The following EEPD1 variants were observed in gnomAD, a reference collection of about 807,000 sequenced individuals.
EEPD1 encodes the protein endonuclease/exonuclease/phosphatase family domain containing 1.
In EEPD1, 17 loss-of-function variants were observed where a neutral mutation model predicts 46.3. That is an observed-to-expected ratio of 0.37 (90% CI 0.25 to 0.55). EEPD1 has a LOEUF of 0.55. EEPD1 is among the 20% of genes least tolerant of loss of function. The pLI is 0.83. For synonymous variants in EEPD1, 313 were observed against 315.6 expected (o/e 0.99, Z 0.09); for missense variants, 673 against 745.6 (o/e 0.90, Z 1.13).
At chr7:36,252,116 A>G (rs1786747465) in intron 3 of EEPD1, among the ~76,000 whole-genome samples, 1 of 152,162 alleles carries the variant, frequency 6.6e-6, no homozygotes, top group South Asian at 2.1e-4. Flanking sequence ...GTTACTTCTT[A>G]GTCTTCTTAT....
chr7:36,216,411 A>G (rs1786030828), intron 2 of EEPD1, among the ~76,000 whole-genome samples: 1 of 152,250 alleles, frequency 6.6e-6, no homozygotes, highest in African/African-American at 2.4e-5. Context: ...AAACTGCGTA[A>G]TAACACCTTT....
At chr7:36,291,345 C>T (rs1209619346) in intron 6 of EEPD1, among the ~76,000 whole-genome samples, 2 of 152,184 alleles carry the variant, frequency 1.3e-5, no homozygotes, top group African/African-American at 4.8e-5. Context: ...TCCGTGTGGT[C>T]TTCCATCCTA....
intron 2 of EEPD1, among the ~76,000 whole-genome samples, chr7:36,222,927 G>A (rs528009727): frequency 6.6e-6 from 1 of 152,306 alleles, no homozygotes; most frequent in East Asian, 1.9e-4. Context: ...AAGGCAGGCA[G>A]ATCGCTTGAG....
At chr7:36,250,119 G>A (rs1161768894) in intron 3 of EEPD1, among the ~76,000 whole-genome samples, 2 of 152,190 alleles carry the variant, frequency 1.3e-5, no homozygotes, top group East Asian at 1.9e-4. Flanking sequence ...CTACTCAGGA[G>A]GCTGAGGTGG....
chr7:36,273,314 C>A (rs1238931373), intron 3 of EEPD1, among the ~76,000 whole-genome samples: 1 of 152,102 alleles, frequency 6.6e-6, no homozygotes, highest in African/African-American at 2.4e-5. Context: ...GTGATTAGTG[C>A]CTGCCATATC....
At chr7:36,271,874 C>G (rs371427200) in intron 3 of EEPD1, among the ~76,000 whole-genome samples, 558 of 16,862 alleles carry the variant, frequency 0.033, 10 homozygotes, top group African/African-American at 0.066. Flanking sequence ...CTATTCTATT[C>G]TATTCTATTG....
rs982528906 is a variant in EEPD1, at chr7:36,169,905, T to C, written c.878+14703T>C. On this transcript the variant is annotated intron_variant, in intron 2 of 7. Transcript: ENST00000242108. The stretch of plus-strand genomic sequence containing the variant: ...TTTTTGATGGAAGTTTAGCACTTTT[T>C]TTATCAAAAGCCAAAATATAATGGA... Among the ~76,000 whole-genome samples, 4 of 152,352 alleles carry C rather than the reference T, an allele frequency of 2.6e-5. 1 individual carries two copies. In the South Asian group the frequency reaches 6.2e-4, roughly 24 times the overall value.
intron 5 of EEPD1, among the ~76,000 whole-genome samples, chr7:36,285,057 G>C (rs537721114): frequency 6.6e-6 from 1 of 152,140 alleles, no homozygotes; most frequent in Non-Finnish European, 1.5e-5. Flanking sequence ...GAGCAGGAGA[G>C]GGGGGAAGGA....
intron 2 of EEPD1, among the ~76,000 whole-genome samples, chr7:36,203,187 G>A (rs966950888): frequency 1.3e-5 from 2 of 152,160 alleles, no homozygotes; most frequent in East Asian, 1.9e-4. Flanking sequence ...GCTGCTCCTC[G>A]TGGCAGGGCC....
At chr7:36,211,737 G>A (rs970024825) in intron 2 of EEPD1, among the ~76,000 whole-genome samples, 4 of 152,036 alleles carry the variant, frequency 2.6e-5, no homozygotes, top group Non-Finnish European at 4.4e-5. Flanking sequence ...CCAGCTTGGC[G>A]AACATGGCGA....
intron 2 of EEPD1, among the ~76,000 whole-genome samples, chr7:36,172,535 A>G (rs900271857): frequency 2.0e-5 from 3 of 150,058 alleles, no homozygotes; most frequent in Non-Finnish European, 4.4e-5. Flanking sequence ...TGTCCAACCC[A>G]TGGCCTGCAG....
chr7:36,181,759 G>T (rs1785271771), intron 2 of EEPD1, among the ~76,000 whole-genome samples: 1 of 152,180 alleles, frequency 6.6e-6, no homozygotes, highest in Admixed American at 6.5e-5. Context: ...GAAGTTCAAG[G>T]CTCCCTTTTT....
chr7:36,241,832 C>T (rs547318776), intron 3 of EEPD1, among the ~76,000 whole-genome samples: 1 of 152,332 alleles, frequency 6.6e-6, no homozygotes, highest in East Asian at 1.9e-4. Context: ...TGCGCCATTG[C>T]ACTCCAGTCT....
rs146426390 is a variant in EEPD1 at position 36,281,446 on chromosome 7, G to A, written c.1041+221G>A. Among the ~76,000 whole-genome samples the A allele has an allele frequency of 2.6e-5, 4 of 152,286 alleles. No individual in the cohort carries two copies. The East Asian group carries it at 7.7e-4, about 29-fold the overall frequency. ...TGCCAAGAAGGAAATGAGAGCTTAG[G>A]GTGTTGGGAGGAGAGGAGGGGAGAA... On this transcript the variant is annotated intron_variant, in intron 4 of 7. Transcript: ENST00000242108.
rs530367053 is a variant in EEPD1, at chr7:36,288,163, G to A, written c.1315+386G>A. On this transcript the variant is annotated intron_variant, in intron 6 of 7. Transcript: ENST00000242108. ...TGTGCTCTTCCTGTGAAAGAGAGAC[G>A]GGGGTGACAAGGGGAAGTGGTAAAT... Among the ~76,000 whole-genome samples the A allele has an allele frequency of 4.6e-5, 7 of 152,328 alleles. No homozygotes were observed. In the East Asian group the frequency reaches 9.7e-4, roughly 21 times the overall value.
chr7:36,222,255 A>G (rs1786159098), intron 2 of EEPD1, among the ~76,000 whole-genome samples: 1 of 152,232 alleles, frequency 6.6e-6, no homozygotes, highest in Admixed American at 6.5e-5. Context: ...CAAATAAAGT[A>G]AACTAAGGAA....
At chr7:36,294,607 G>A (rs1324633907) in intron 6 of EEPD1, among the ~76,000 whole-genome samples, 1 of 152,084 alleles carries the variant, frequency 6.6e-6, no homozygotes, top group African/African-American at 2.4e-5. Context: ...CTGCCAGATT[G>A]TACTACATTT....
At chr7:36,281,965 G>A (rs1787270059) in intron 4 of EEPD1, among the ~76,000 whole-genome samples, 1 of 152,192 alleles carries the variant, frequency 6.6e-6, no homozygotes, top group African/African-American at 2.4e-5. Flanking sequence ...TGTTTATAAT[G>A]TAGGCTCTTA....
intron 2 of EEPD1, among the ~76,000 whole-genome samples, chr7:36,203,596 A>G (rs893557447): frequency 2.0e-5 from 3 of 152,222 alleles, no homozygotes; most frequent in Non-Finnish European, 2.9e-5. Flanking sequence ...TGTGGGAGTG[A>G]TCATTATCTG....
Sources: gnomAD v4.1 joint callset for allele counts (sites outside exome capture counted in the v4.1 genomes callset) on GRCh38, gnomAD v4.1.1 for gene constraint, MANE v1.5 for transcripts, NCBI Gene and HGNC (gene_info 2026-07-23, HGNC 2026-07-21) for gene names.